The following KIF6 variants were observed in gnomAD, a reference collection of about 807,000 sequenced individuals.
KIF6 encodes the protein kinesin family member 6, also known as kinesin-like protein KIF6.
Under a neutral mutation model 112.7 loss-of-function variants are expected in KIF6, and 106 were observed. That is an observed-to-expected ratio of 0.94 (90% confidence interval 0.80 to 1.11). The LOEUF is 1.11. KIF6 is among the 50% of genes least tolerant of loss of function. The pLI is 0.00. For missense variants in KIF6, 929 were observed against 964.0 expected, an observed-to-expected ratio of 0.96 and a Z score of 0.48; for synonymous variants, 339 against 339.9, an observed-to-expected ratio of 1.00 and a Z score of 0.03.
At chr6:39,386,261 G>A (rs1767412045) in intron 15 of KIF6, among the ~76,000 whole-genome samples, 1 of 152,148 alleles carries the variant, frequency 6.6e-6, no homozygotes, top group South Asian at 2.1e-4. Context: ...GACATCAGCT[G>A]GTATTTGTTC....
intron 13 of KIF6, among the ~76,000 whole-genome samples, chr6:39,461,763 C>A (rs899376017): frequency 6.6e-6 from 1 of 152,016 alleles, no homozygotes; most frequent in Non-Finnish European, 1.5e-5. Flanking sequence ...TGTAGCCAAA[C>A]TGAGTAGTAA....
At chr6:39,552,316 C>T (rs962197712) in intron 10 of KIF6, among the ~76,000 whole-genome samples, 1 of 152,170 alleles carries the variant, frequency 6.6e-6, no homozygotes, top group Non-Finnish European at 1.5e-5. Context: ...TTTATACCCG[C>T]CTTGTCCCAG....
At chr6:39,374,735 G>T (rs1371399821) in intron 16 of KIF6, among the ~76,000 whole-genome samples, 1 of 152,196 alleles carries the variant, frequency 6.6e-6, no homozygotes, top group Non-Finnish European at 1.5e-5. Flanking sequence ...TGTTGGTGAG[G>T]ATGTGGAGAA....
intron 10 of KIF6, among the ~76,000 whole-genome samples, chr6:39,564,311 T>C (rs1780167095): frequency 6.6e-6 from 1 of 152,190 alleles, no homozygotes; most frequent in African/African-American, 2.4e-5. Context: ...GTATGCTCAG[T>C]TAATGATAAA....
chr6:39,490,215 T>C (rs1028841647), intron 13 of KIF6, among the ~76,000 whole-genome samples: 10 of 152,154 alleles, frequency 6.6e-5, no homozygotes, highest in Non-Finnish European at 1.5e-4. Context: ...CACTGACACT[T>C]ACATGAGTCC....
chr6:39,561,989 T>A (rs1333195237), intron 10 of KIF6, among the ~76,000 whole-genome samples: 2 of 152,246 alleles, frequency 1.3e-5, no homozygotes, highest in Non-Finnish European at 2.9e-5. Flanking sequence ...TATTCTTCTT[T>A]GGCTGATGAC....
chr6:39,388,882 A>G (rs1767641940), intron 15 of KIF6, among the ~76,000 whole-genome samples: 1 of 152,248 alleles, frequency 6.6e-6, no homozygotes, highest in Non-Finnish European at 1.5e-5. Flanking sequence ...AATGGGGCTG[A>G]AAACCAAAAG....
At chr6:39,564,662 G>A (rs866896427) in intron 10 of KIF6, among the ~76,000 whole-genome samples, 9 of 152,154 alleles carry the variant, frequency 5.9e-5, no homozygotes, top group African/African-American at 7.2e-5. Context: ...AGTTTCATGA[G>A]GTATCTTACA....
At chr6:39,565,745 A>G (rs1345659579) in intron 10 of KIF6, among the ~76,000 whole-genome samples, 1 of 152,230 alleles carries the variant, frequency 6.6e-6, no homozygotes, top group East Asian at 1.9e-4. Context: ...GCCCATTTAT[A>G]AGACTGTGTG....
chr6:39,662,688 A>C (rs2465669), intron 3 of KIF6, among the ~76,000 whole-genome samples: 70,311 of 151,850 alleles, frequency 0.46, 19,378 homozygotes, highest in Non-Finnish European at 0.59. Context: ...AACCTGGGCA[A>C]TATACTGAGC....
chr6:39,635,407 T>A (rs1223115473), intron 4 of KIF6, among the ~76,000 whole-genome samples: 5 of 152,110 alleles, frequency 3.3e-5, no homozygotes, highest in African/African-American at 9.7e-5. Context: ...TCTTTAATCA[T>A]CATTCTTTTT....
At chr6:39,420,065 T>TA (rs2150364530) in intron 14 of KIF6, 62 bp from the exon 15 acceptor site, 1 of 1,215,988 alleles carries the variant, frequency 8.2e-7, no homozygotes, top group Non-Finnish European at 1.2e-6. Flanking sequence ...GTTTTAAAAA[T>TA]AATAGATTTC....
intron 3 of KIF6, among the ~76,000 whole-genome samples, chr6:39,646,095 T>C (rs2150780163): frequency 6.6e-6 from 1 of 151,376 alleles, no homozygotes; most frequent in African/African-American, 2.4e-5. Flanking sequence ...GTTGTGCACA[T>C]GTACCCTAGA....
At chr6:39,499,136 A>T (rs1775962105) in intron 13 of KIF6, among the ~76,000 whole-genome samples, 1 of 152,184 alleles carries the variant, frequency 6.6e-6, no homozygotes, top group Non-Finnish European at 1.5e-5. Flanking sequence ...GGGCAGTGGG[A>T]AAACTGAGAC....
intron 13 of KIF6, among the ~76,000 whole-genome samples, chr6:39,487,732 T>A (rs1243893869): frequency 6.6e-6 from 1 of 152,230 alleles, no homozygotes; most frequent in East Asian, 1.9e-4. Flanking sequence ...ATGGGCAGTT[T>A]AGTGGCTGAA....
intron 10 of KIF6, among the ~76,000 whole-genome samples, chr6:39,568,548 T>C (rs543589087): frequency 6.6e-6 from 1 of 152,004 alleles, no homozygotes; most frequent in African/African-American, 2.4e-5. Flanking sequence ...TTTCTTTTCT[T>C]TTCTTTTTTT....
chr6:39,446,239 T>A (rs929599872), intron 13 of KIF6, among the ~76,000 whole-genome samples: 1 of 152,304 alleles, frequency 6.6e-6, no homozygotes, highest in South Asian at 2.1e-4. Context: ...TTAATGGTAT[T>A]GTGAGGAGTT....
At chr6:39,645,620 T>C (rs1023815418) in intron 3 of KIF6, among the ~76,000 whole-genome samples, 1 of 152,146 alleles carries the variant, frequency 6.6e-6, no homozygotes, top group African/African-American at 2.4e-5. Context: ...AAATTCTCTT[T>C]TTTTGTTGTG....
intron 15 of KIF6, among the ~76,000 whole-genome samples, chr6:39,398,101 T>C (rs1768407330): frequency 6.6e-6 from 1 of 152,222 alleles, no homozygotes; most frequent in Non-Finnish European, 1.5e-5. Context: ...TATGATTCTT[T>C]AGTGTATTGG....
Sources: gnomAD v4.1 joint callset for allele counts (sites outside exome capture counted in the v4.1 genomes callset) on GRCh38, gnomAD v4.1.1 for gene constraint, MANE v1.5 for transcripts, NCBI Gene and HGNC (gene_info 2026-07-23, HGNC 2026-07-21) for gene names.